The following CYP51A1 variants were observed in gnomAD, a reference collection of about 807,000 sequenced individuals.
The protein encoded by CYP51A1 is cytochrome P450 family 51 subfamily A member 1.
CYP51A1 carries 45 observed loss-of-function variants against 53.5 expected under a neutral mutation model. The observed-to-expected ratio is 0.84, with a 90% CI of 0.66 to 1.08. The LOEUF (loss-of-function observed/expected upper bound fraction) is 1.08, where lower values mean the gene tolerates loss of function less well. Ranked by LOEUF, CYP51A1 falls within the 50% of genes least tolerant of loss-of-function variation. CYP51A1 has a pLI of 0.00. For synonymous variants in CYP51A1, 181 were observed against 217.7 expected (o/e 0.83, Z 1.48); for missense variants, 462 against 621.7 (o/e 0.74, Z 2.73).
At chr7:92,127,225 G>A (rs558028232) in intron 4 of CYP51A1, among the ~76,000 whole-genome samples, 12 of 152,310 alleles carry the variant, frequency 7.9e-5, no homozygotes, top group African/African-American at 2.6e-4. Flanking sequence ...CCAGAATATA[G>A]TGACCTGCTG....
At chr7:92,119,428 C>T (rs1819641508) in intron 7 of CYP51A1, among the ~76,000 whole-genome samples, 1 of 152,128 alleles carries the variant, frequency 6.6e-6, no homozygotes, top group Non-Finnish European at 1.5e-5. Flanking sequence ...CATCCCCTAA[C>T]ACACACATAC....
rs1411606857 is a variant in CYP51A1 at position 92,134,178 on chromosome 7, C to A, written c.187G>T (p.Gly63Trp). ...ACCCTAAAGAATGTACGTACCACCC[C>A]TGCGGGCAGCTGGACCAGGTGGCCG... Reference protein sequence around the residue: ...AAGHLVQLPAGVKSPPYIFSP... With the variant: ...AAGHLVQLPAWVKSPPYIFSP... Residue 63 changes from glycine (G) to tryptophan (W), a missense_variant, in exon 1 of 10, where the codon GGG becomes TGG. Gly to Trp is a radical substitution (Grantham distance 184). Coordinates refer to ENST00000003100, the MANE Select transcript of CYP51A1 (RefSeq NM_000786.4). 1.2e-6 allele frequency: 2 copies of A among 1,611,742 alleles called. No homozygotes were observed. The highest frequency in any genetic ancestry group is 1.7e-6 in the Non-Finnish European group (2 of 1,179,702).
rs1333902240 is a variant in CYP51A1 at position 92,134,387 on chromosome 7, G to A, written c.-23C>T. The A allele has an allele frequency of 1.3e-6, 2 of 1,543,772 alleles. No homozygotes were observed. Among genetic ancestry groups the A allele is most frequent in the Non-Finnish European group, 1.8e-6 (2 of 1,140,604 alleles). On this transcript the variant is annotated 5_prime_UTR_variant, in exon 1 of 10. Coordinates refer to ENST00000003100, the MANE Select transcript of CYP51A1 (RefSeq NM_000786.4). ...CATTCACTCCGTCGGAAACACTGAA[G>A]GCCGAGGTCGCCACCGCTCCTCCCA...
rs1446132633 is a variant in CYP51A1, at chr7:92,113,058, C to G, written c.*607G>C. ...ACTCTTATCAAATATGGTCCTGGAT[C>G]TCTTAATTTCCCATATGCAGTGATT... On this transcript the variant is annotated 3_prime_UTR_variant, in exon 10 of 10. Coordinates refer to ENST00000003100, the MANE Select transcript of CYP51A1 (RefSeq NM_000786.4). 1 of 152,108 alleles carries G rather than the reference C, an allele frequency of 6.6e-6. No individual in the cohort carries two copies. Among genetic ancestry groups the G allele is most frequent in the Non-Finnish European group, 1.5e-5 (1 of 68,052 alleles). 9.4% of individuals were successfully genotyped at this position (152,108 alleles called of 1,614,324 possible).
chr7:92,117,919 C>G (rs924852195), intron 8 of CYP51A1, among the ~76,000 whole-genome samples: 1 of 149,554 alleles, frequency 6.7e-6, no homozygotes, highest in African/African-American at 2.5e-5. Flanking sequence ...ACCCGGGAGG[C>G]GGAGGTTGCA....
intron 9 of CYP51A1, 84 bp downstream of exon 9, chr7:92,116,960 T>C (rs916561674): frequency 5.7e-5 from 79 of 1,390,726 alleles, no homozygotes; most frequent in African/African-American, 2.9e-5. Flanking sequence ...GAGAGATAAT[T>C]TGTAAACACA....
At chr7:92,130,526 A>G (rs1266314129) in intron 2 of CYP51A1, among the ~76,000 whole-genome samples, 1 of 152,234 alleles carries the variant, frequency 6.6e-6, no homozygotes, top group African/African-American at 2.4e-5. Flanking sequence ...TGTCATCTAT[A>G]AAACAAATAT....
chr7:92,115,188 TAAAGA>T (rs1819559174), intron 9 of CYP51A1, among the ~76,000 whole-genome samples: 1 of 151,938 alleles, frequency 6.6e-6, no homozygotes, highest in Non-Finnish European at 1.5e-5. Context: ...AAAGAATGAG[TAAAGA>T]AATTAGAGAC....
rs753905615 is a variant in CYP51A1, at chr7:92,129,027, T to C, written c.321A>G (p.Val107=). Residue 107 remains valine (V), a synonymous_variant, in exon 3 of 10, where the codon GTA becomes GTG. Coordinates refer to ENST00000003100, the MANE Select transcript of CYP51A1 (RefSeq NM_000786.4). ...KYGPVFSFTM[V]GKTFTYLLGS... The stretch of plus-strand genomic sequence containing the variant: ...CCAGAAGGTAAGTAAATGTCTTGCC[T>C]ACCATGGTAAAACTAAATACAGGTC... 3.1e-6 allele frequency: 5 copies of C among 1,613,434 alleles called. No individual in the cohort carries two copies. Among genetic ancestry groups the C allele is most frequent in the Non-Finnish European group, 3.4e-6 (4 of 1,179,694 alleles).
intron 9 of CYP51A1, 102 bp from the exon 10 acceptor site, chr7:92,113,945 GATA>G (rs1819525961): frequency 1.5e-6 from 1 of 652,850 alleles, no homozygotes; most frequent in African/African-American, 1.9e-5. Flanking sequence ...CAAATGTACA[GATA>G]ATATAATAAA....
At chr7:92,127,416 G>A in intron 4 of CYP51A1, 89 bp downstream of exon 4, 1 of 1,255,860 alleles carries the variant, frequency 8.0e-7, no homozygotes, top group South Asian at 1.5e-5. Context: ...ACTGTAATTT[G>A]TTTTTTATAT....
At chr7:92,124,472 T>C (rs940905790) in intron 5 of CYP51A1, among the ~76,000 whole-genome samples, 1 of 152,222 alleles carries the variant, frequency 6.6e-6, no homozygotes, top group Non-Finnish European at 1.5e-5. Context: ...CCTCAAGTTA[T>C]AGCTAGCTGC....
intron 7 of CYP51A1, among the ~76,000 whole-genome samples, chr7:92,122,740 A>C (rs915622574): frequency 3.9e-5 from 6 of 152,190 alleles, no homozygotes; most frequent in African/African-American, 1.4e-4. Context: ...TACTTTTAGA[A>C]GTCTCTGCTC....
At chr7:92,127,751 G>C (rs968661524) in intron 3 of CYP51A1, 120 bp from the exon 4 acceptor site, 3 of 994,364 alleles carry the variant, frequency 3.0e-6, no homozygotes, top group African/African-American at 3.3e-5. Flanking sequence ...AACCCTTTGG[G>C]CATTTACATT....
At chr7:92,124,603 C>T (rs1174257955) in intron 5 of CYP51A1, among the ~76,000 whole-genome samples, 1 of 152,204 alleles carries the variant, frequency 6.6e-6, no homozygotes, top group African/African-American at 2.4e-5. Context: ...ATTTACAAGA[C>T]TGTTAATCTG....
chr7:92,129,140 C>A, intron 2 of CYP51A1, 84 bp from the exon 3 acceptor site: 2 of 795,574 alleles, frequency 2.5e-6, no homozygotes, highest in East Asian at 2.9e-5. Context: ...CAAAATAATG[C>A]ATTATTAAAA....
intron 7 of CYP51A1, among the ~76,000 whole-genome samples, chr7:92,120,831 T>C (rs1443149816): frequency 6.6e-6 from 1 of 151,794 alleles, no homozygotes; most frequent in South Asian, 2.1e-4. Flanking sequence ...CAAAAGCACA[T>C]TAAAAAAAAA....
chr7:92,125,833 T>C (rs1819788202), intron 5 of CYP51A1, among the ~76,000 whole-genome samples: 3 of 152,070 alleles, frequency 2.0e-5, no homozygotes, highest in Admixed American at 2.0e-4. Context: ...CTGTCTCTAC[T>C]AAAAATAGAA....
At chr7:92,121,358 G>A (rs752351317) in intron 7 of CYP51A1, among the ~76,000 whole-genome samples, 7 of 151,900 alleles carry the variant, frequency 4.6e-5, no homozygotes. Flanking sequence ...AGGGGGTGAA[G>A]TCAGGACCAA....
Sources: gnomAD v4.1 joint callset for allele counts (sites outside exome capture counted in the v4.1 genomes callset) on GRCh38, gnomAD v4.1.1 for gene constraint, MANE v1.5 for transcripts, NCBI Gene and HGNC (gene_info 2026-07-23, HGNC 2026-07-21) for gene names.